CLSTN2: variants seen among roughly 807,000 people sequenced by gnomAD.
CLSTN2 encodes calsyntenin-2.
In CLSTN2, 48 loss-of-function variants were observed where a neutral mutation model predicts 101.2. The observed-to-expected ratio is 0.47, with a 90% CI of 0.38 to 0.60. The LOEUF is 0.60. CLSTN2 is among the 20% of genes least tolerant of loss of function. The pLI, the probability that CLSTN2 is intolerant of heterozygous loss-of-function variation, is 0.00. For missense variants in CLSTN2, 1,160 were observed against 1,238.2 expected (o/e 0.94, Z 0.95); for synonymous variants, 481 against 463.6 (o/e 1.04, Z -0.48).
chr3:140,479,951 CTTT>C (rs59974749), intron 8 of CLSTN2, among the ~76,000 whole-genome samples: 1 of 149,290 alleles, frequency 6.7e-6, no homozygotes, highest in Non-Finnish European at 1.5e-5. Context: ...AAGATAAACT[CTTT>C]TTTTTTTATT....
chr3:140,131,594 G>A (rs2009524145), intron 1 of CLSTN2, among the ~76,000 whole-genome samples: 1 of 152,134 alleles, frequency 6.6e-6, no homozygotes, highest in South Asian at 2.1e-4. Flanking sequence ...TACTTCGGCT[G>A]ATTTCTAGCC....
At chr3:140,335,919 A>T (rs1007084299) in intron 2 of CLSTN2, among the ~76,000 whole-genome samples, 1 of 152,180 alleles carries the variant, frequency 6.6e-6, no homozygotes, top group Non-Finnish European at 1.5e-5. Context: ...TCTCATCTGC[A>T]CTGCTGTTAG....
intron 1 of CLSTN2, among the ~76,000 whole-genome samples, chr3:140,101,944 A>T (rs2008972992): frequency 6.6e-6 from 1 of 152,186 alleles, no homozygotes; most frequent in African/African-American, 2.4e-5. Flanking sequence ...GAGTACAGGG[A>T]TGTTTGGGGA....
intron 2 of CLSTN2, among the ~76,000 whole-genome samples, chr3:140,375,676 C>G (rs879885707): frequency 6.6e-6 from 1 of 152,202 alleles, no homozygotes; most frequent in Non-Finnish European, 1.5e-5. Context: ...ATCTGGTCCT[C>G]TCATCACGTT....
chr3:140,198,477 C>T (rs2010676907), intron 2 of CLSTN2, among the ~76,000 whole-genome samples: 1 of 152,178 alleles, frequency 6.6e-6, no homozygotes, highest in Admixed American at 6.5e-5. Context: ...GGGTCCTCTG[C>T]CAGGCTCACC....
chr3:140,000,184 G>GGGGCTACAGTTTA (rs1560066305), intron 1 of CLSTN2, among the ~76,000 whole-genome samples: 10 of 152,070 alleles, frequency 6.6e-5, no homozygotes, highest in African/African-American at 1.7e-4. Flanking sequence ...GCTACAGTTT[G>GGGGCTACAGTTTA]AATTCAATCA....
chr3:140,574,566 G>C lies in CLSTN2; in HGVS notation c.*8313G>C, dbSNP rs1372586190. 1 of 152,236 alleles carries C rather than the reference G, an allele frequency of 6.6e-6. No individual in the cohort carries two copies. The highest frequency in any genetic ancestry group is 1.5e-5 in the Non-Finnish European group (1 of 68,046). The allele number at this position is 152,236 out of a possible 1,614,324, so 9.4% of individuals were successfully genotyped here. A position where few individuals can be genotyped will look rare whatever the true frequency, so the allele number is the denominator to read the frequency against. On this transcript the variant is annotated 3_prime_UTR_variant, in exon 17 of 17. Transcript: ENST00000458420. ...TCAATTCCCAGTAGACTAATGAAAA[G>C]AGGGCAACAGACTTGAGAAGAGCCA...
chr3:140,196,621 G>C (rs1046075640), intron 2 of CLSTN2, among the ~76,000 whole-genome samples: 1 of 152,150 alleles, frequency 6.6e-6, no homozygotes, highest in Non-Finnish European at 1.5e-5. Context: ...GTGCCTTTCA[G>C]TCCCGTGTAA....
chr3:140,220,293 T>C (rs2086256067), intron 2 of CLSTN2, among the ~76,000 whole-genome samples: 1 of 152,216 alleles, frequency 6.6e-6, no homozygotes, highest in African/African-American at 2.4e-5. Flanking sequence ...ATCTCAATCC[T>C]ATATATGTCA....
chr3:140,069,943 GT>G (rs2008363413), intron 1 of CLSTN2, among the ~76,000 whole-genome samples: 1 of 152,200 alleles, frequency 6.6e-6, no homozygotes, highest in Non-Finnish European at 1.5e-5. Flanking sequence ...AGGGAAAGTT[GT>G]TTGAGAGCAA....
chr3:140,095,557 A>G (rs1015843738), intron 1 of CLSTN2, among the ~76,000 whole-genome samples: 4 of 152,238 alleles, frequency 2.6e-5, no homozygotes, highest in Admixed American at 6.5e-5. Context: ...TGATCACGTC[A>G]TGCATTTTCT....
At chr3:140,143,183 G>A (rs748089709) in intron 1 of CLSTN2, among the ~76,000 whole-genome samples, 15 of 152,118 alleles carry the variant, frequency 9.9e-5, no homozygotes, top group African/African-American at 3.6e-4. Context: ...GACAATCATC[G>A]TCATGTATCT....
chr3:140,105,098 C>A (rs1017995392), intron 1 of CLSTN2, among the ~76,000 whole-genome samples: 2 of 152,238 alleles, frequency 1.3e-5, no homozygotes, highest in African/African-American at 4.8e-5. Flanking sequence ...TTTGGTTAAG[C>A]AGTGACTAAC....
At chr3:140,017,869 C>T (rs2007233086) in intron 1 of CLSTN2, among the ~76,000 whole-genome samples, 1 of 152,232 alleles carries the variant, frequency 6.6e-6, no homozygotes, top group Non-Finnish European at 1.5e-5. Flanking sequence ...ATGCCAGGAC[C>T]TGGGAGCGGC....
intron 2 of CLSTN2, among the ~76,000 whole-genome samples, chr3:140,295,626 A>C (rs1391532729): frequency 1.3e-5 from 2 of 152,202 alleles, no homozygotes; most frequent in Non-Finnish European, 1.5e-5. Context: ...GTATGATGCC[A>C]GTTATTTAAA....
At position 140,203,466 on chromosome 3, in the gene CLSTN2, T is replaced by G. The variant is rs533903905; in HGVS notation, c.232+27393T>G. ...GGGGTTAAGAGAAAGTGTGGGTTTT[T>G]TTTTTTTTTTTTTTTTTTTTTTTTT... On this transcript the variant is annotated intron_variant, in intron 2 of 16. Coordinates refer to ENST00000458420, the MANE Select transcript of CLSTN2 (RefSeq NM_022131.3). 3.3e-3 allele frequency among the ~76,000 whole-genome samples: 453 copies of G among 137,688 alleles called. 2 individuals carry two copies. Among genetic ancestry groups the G allele is most frequent in the African/African-American group, 0.011 (402 of 35,962 alleles). 90.3% of individuals were successfully genotyped at this position (137,688 alleles called of 152,430 possible).
intron 1 of CLSTN2, among the ~76,000 whole-genome samples, chr3:140,030,307 A>T (rs1226165189): frequency 6.6e-6 from 1 of 152,108 alleles, no homozygotes; most frequent in African/African-American, 2.4e-5. Flanking sequence ...AGCTTCCCCA[A>T]TGTTATACCT....
chr3:140,103,897 T>A (rs935767610), intron 1 of CLSTN2, among the ~76,000 whole-genome samples: 1 of 152,194 alleles, frequency 6.6e-6, no homozygotes, highest in Non-Finnish European at 1.5e-5. Context: ...CAATACAGAA[T>A]AATATCTGCC....
At chr3:139,955,139 T>TATATATATATATATATATA (rs1935370868) in intron 1 of CLSTN2, among the ~76,000 whole-genome samples, 6 of 139,856 alleles carry the variant, frequency 4.3e-5, no homozygotes, top group South Asian at 2.3e-4. Flanking sequence ...TATATATATA[T>TATATATATATATATATATA]GGCAATTCCA....
Sources: allele counts gnomAD v4.1 joint callset (sites outside exome capture counted in the v4.1 genomes callset), GRCh38; gene constraint gnomAD v4.1.1; transcripts MANE v1.5; gene names NCBI Gene and HGNC (gene_info 2026-07-23, HGNC 2026-07-21).